The following PARD3B variants were observed in gnomAD, a reference collection of about 807,000 sequenced individuals.
PARD3B encodes partitioning defective 3 homolog B.
A neutral mutation model predicts 130.2 loss-of-function variants in PARD3B; 103 were observed. The ratio of observed to expected loss-of-function variants is 0.79; its 90% CI spans 0.67 to 0.93. The LOEUF is 0.93. PARD3B is among the 40% of genes least tolerant of loss of function. PARD3B has a pLI of 0.00. For synonymous variants in PARD3B, 583 were observed against 553.2 expected, an observed-to-expected ratio of 1.05 and a Z score of -0.76; for missense variants, 1,609 against 1,499.2, an observed-to-expected ratio of 1.07 and a Z score of -1.21.
Position 205,268,481 on chromosome 2 carries a change from A to G in PARD3B, c.2185+22659A>G, listed in dbSNP as rs73982851. On this transcript the variant is annotated intron_variant, in intron 16 of 22. Transcript: ENST00000406610. This position sits in a 1 kb window ranked among gnomAD's most constrained non-coding sequence, Gnocchi z 4.1. ...TACTGGTCAGCCCTCTTAAGATTCT[A>G]TGCTTCTCTGGGTGTTAAAAGTCCA... Among the ~76,000 whole-genome samples the G allele has an allele frequency of 0.026, 4,027 of 152,256 alleles. 175 individuals are homozygous for G. The highest frequency in any genetic ancestry group is 0.091 in the African/African-American group (3,800 of 41,534).
rs2044023146 is a variant in PARD3B, at chr2:205,352,277, T to A, written c.2631-48736T>A. 6.6e-6 allele frequency among the ~76,000 whole-genome samples: 1 copy of A among 152,222 alleles called. No homozygotes were observed. The highest frequency in any genetic ancestry group is 6.5e-5 in the Admixed American group (1 of 15,280). On this transcript the variant is annotated intron_variant, in intron 18 of 22. Coordinates refer to ENST00000406610, the MANE Select transcript of PARD3B (RefSeq NM_001302769.2). The surrounding 1 kb of genome is among the most constrained non-coding windows in gnomAD (Gnocchi z 5.2). ...GGGAAAAAAAACATAGTAGAGCTTT[T>A]CTTTTCACTGTACAGTTATGGATTA...
At chr2:205,479,472 GAAGGT>G (rs1176758418) in intron 20 of PARD3B, among the ~76,000 whole-genome samples, 1 of 152,200 alleles carries the variant, frequency 6.6e-6, no homozygotes, top group Non-Finnish European at 1.5e-5. Context: ...CCACAAAGCA[GAAGGT>G]AAGGGCCATA....
At chr2:205,476,628 TTTTGTTTGTTTG>T (rs149480140) in intron 20 of PARD3B, among the ~76,000 whole-genome samples, 149 of 152,186 alleles carry the variant, frequency 9.8e-4, no homozygotes, top group Non-Finnish European at 1.3e-3. Context: ...TTGTTTGTTT[TTTTGTTTGTTTG>T]TTTGTTTGTT....
chr2:205,490,459 C>G (rs1280108055), intron 20 of PARD3B, among the ~76,000 whole-genome samples: 2 of 152,168 alleles, frequency 1.3e-5, no homozygotes, highest in African/African-American at 4.8e-5. Context: ...TTTTTTATGG[C>G]TGCATAGTAT....
In PARD3B at chr2:205,054,404, T is replaced by TATATATATA. The variant is rs1699451825; in HGVS notation, c.504+6714_504+6715insATATATATA. Among the ~76,000 whole-genome samples, 60 of 33,804 alleles carry TATATATATA rather than the reference T, an allele frequency of 1.8e-3. 3 individuals are homozygous for TATATATATA. Among genetic ancestry groups the TATATATATA allele is most frequent in the Non-Finnish European group, 2.3e-3 (40 of 17,032 alleles). 22.2% of individuals were successfully genotyped at this position (33,804 alleles called of 152,430 possible). A position where few individuals can be genotyped will look rare whatever the true frequency, so the allele number is the denominator to read the frequency against. On this transcript the variant is annotated intron_variant, in intron 4 of 22. Coordinates refer to ENST00000406610, the MANE Select transcript of PARD3B (RefSeq NM_001302769.2). ...TAACAAGGTAACCATGACATGTCTT[T>TATATATATA]TATATATATATATATATATATATAT...
At chr2:205,484,495 C>T (rs774490768) in intron 20 of PARD3B, among the ~76,000 whole-genome samples, 2 of 152,164 alleles carry the variant, frequency 1.3e-5, no homozygotes, top group African/African-American at 2.4e-5. Flanking sequence ...TCTGGGAAAG[C>T]ACTTGTTGGG....
chr2:204,932,691 C>T (rs943297035), intron 2 of PARD3B, among the ~76,000 whole-genome samples: 2 of 152,082 alleles, frequency 1.3e-5, no homozygotes, highest in Non-Finnish European at 1.5e-5. Flanking sequence ...AGGAATTGGA[C>T]AGTAGTATTG....
chr2:205,050,187 ATT>A (rs1699094493), intron 4 of PARD3B, among the ~76,000 whole-genome samples: 3 of 148,256 alleles, frequency 2.0e-5, no homozygotes, highest in Admixed American at 6.8e-5. Flanking sequence ...ATTAATATAT[ATT>A]AATATATAAA....
intron 20 of PARD3B, among the ~76,000 whole-genome samples, chr2:205,489,053 T>G (rs1441144812): frequency 1.3e-5 from 2 of 152,222 alleles, no homozygotes; most frequent in African/African-American, 4.8e-5. Flanking sequence ...ATGCTTGTTT[T>G]GCAAAGATGT....
At chr2:204,788,343 T>C (rs1010522683) in intron 2 of PARD3B, among the ~76,000 whole-genome samples, 2 of 152,212 alleles carry the variant, frequency 1.3e-5, no homozygotes, top group African/African-American at 2.4e-5. Flanking sequence ...TCATAGGGAT[T>C]GTCTAGTTCC....
chr2:205,314,721 C>T (rs2042503385), intron 18 of PARD3B, among the ~76,000 whole-genome samples: 2 of 152,180 alleles, frequency 1.3e-5, no homozygotes, highest in African/African-American at 2.4e-5. Flanking sequence ...ATTTTGGAGA[C>T]AGTCCAATTT....
At chr2:204,764,711 C>CGTGTGTGTGTGTGT (rs1559126727) in intron 2 of PARD3B, among the ~76,000 whole-genome samples, 30 of 41,752 alleles carry the variant, frequency 7.2e-4, no homozygotes, top group African/African-American at 2.2e-3. Flanking sequence ...ATCTGGCATG[C>CGTGTGTGTGTGTGT]ATGCGTGTGT....
intron 15 of PARD3B, among the ~76,000 whole-genome samples, chr2:205,221,385 T>C (rs2038229622): frequency 6.6e-6 from 1 of 152,184 alleles, no homozygotes; most frequent in South Asian, 2.1e-4. Flanking sequence ...CGGCAGTTAG[T>C]ACGAAAAACG....
intron 16 of PARD3B, among the ~76,000 whole-genome samples, chr2:205,275,693 C>T (rs942631678): frequency 4.7e-4 from 71 of 151,686 alleles, no homozygotes; most frequent in African/African-American, 1.5e-3. Context: ...AAAAATTAGC[C>T]GGGCATGGTG....
chr2:204,976,095 A>G (rs975043948), intron 3 of PARD3B, among the ~76,000 whole-genome samples: 4 of 152,160 alleles, frequency 2.6e-5, no homozygotes, highest in African/African-American at 9.7e-5. Flanking sequence ...TTTCATCTCT[A>G]ATTCGTCTCT....
At chr2:205,094,036 A>T (rs1358407335) in intron 4 of PARD3B, among the ~76,000 whole-genome samples, 4 of 152,052 alleles carry the variant, frequency 2.6e-5, no homozygotes, top group Non-Finnish European at 5.9e-5. Context: ...GCTCTGGATC[A>T]CCCTACTTCT....
At chr2:205,094,291 A>C (rs1024658503) in intron 4 of PARD3B, among the ~76,000 whole-genome samples, 2 of 152,164 alleles carry the variant, frequency 1.3e-5, no homozygotes, top group Admixed American at 6.6e-5. Flanking sequence ...AGATATATGA[A>C]GGTCATAGGA....
At chr2:204,860,051 C>T (rs559344325) in intron 2 of PARD3B, among the ~76,000 whole-genome samples, 2 of 152,130 alleles carry the variant, frequency 1.3e-5, no homozygotes, top group Non-Finnish European at 2.9e-5. Context: ...TCAGGATTAA[C>T]TGTAGAAATA....
chr2:205,041,680 G>A (rs1178846908), intron 3 of PARD3B, among the ~76,000 whole-genome samples: 3 of 151,794 alleles, frequency 2.0e-5, no homozygotes, highest in Admixed American at 6.6e-5. Flanking sequence ...CACCAATATT[G>A]GTGACAAGCT....
Sources: allele counts gnomAD v4.1 joint callset (sites outside exome capture counted in the v4.1 genomes callset), GRCh38; gene constraint gnomAD v4.1.1; non-coding constraint Gnocchi (gnomAD v3.1); transcripts MANE v1.5; gene names NCBI Gene and HGNC (gene_info 2026-07-23, HGNC 2026-07-21).